The following FAT1 variants were observed in gnomAD, a reference collection of about 807,000 sequenced individuals.
FAT1 encodes the protein protocadherin Fat 1.
Under a neutral mutation model 329.8 loss-of-function variants are expected in FAT1, and 171 were observed. That is an observed-to-expected ratio of 0.52 (90% CI 0.46 to 0.59). FAT1 has a LOEUF of 0.59. Among genes scored for constraint, FAT1 ranks in the 20% least tolerant of loss-of-function variants. The pLI is 0.00. For synonymous variants in FAT1, 2,233 were observed against 2,228.6 expected, an observed-to-expected ratio of 1.00 and a Z score of -0.06; for missense variants, 5,672 against 5,774.4, an observed-to-expected ratio of 0.98 and a Z score of 0.57.
At chr4:186,662,920 T>A (rs910102738) in intron 3 of FAT1, among the ~76,000 whole-genome samples, 1 of 151,876 alleles carries the variant, frequency 6.6e-6, no homozygotes, top group African/African-American at 2.4e-5. Flanking sequence ...CACTGCAAGC[T>A]CCGCCCCCCG....
At position 186,708,798 on chromosome 4, in the gene FAT1, G is replaced by A. The variant is rs1744786329; in HGVS notation, c.1030C>T (p.Pro344Ser). 3 of 1,613,980 alleles carry A rather than the reference G, an allele frequency of 1.9e-6. No homozygotes were observed. Among genetic ancestry groups the A allele is most frequent in the African/African-American group, 1.3e-5 (1 of 75,040 alleles). ...ACTTTAACAGAAGAGAACTGGGGCG[G>A]AGTTCCTTTATCTTTAGCCTGTAGT... ...LTLQAKDKGT[P>S]PQFSSVKVIH... The change falls in exon 2 of 27, where the codon CCG becomes TCG. Residue 344 changes from proline (P) to serine (S), a missense_variant. This residue lies in a region of FAT1 where 3,966 missense variants were observed against 3,915.2 expected (regional missense o/e 1.01). Transcript: ENST00000441802.
intron 2 of FAT1, among the ~76,000 whole-genome samples, chr4:186,700,927 C>T (rs962992488): frequency 1.4e-4 from 21 of 152,276 alleles, no homozygotes; most frequent in African/African-American, 4.6e-4. Context: ...GCCTGTCTGA[C>T]GTAAGCTGTT....
At chr4:186,692,481 T>C (rs2126661991) in intron 2 of FAT1, among the ~76,000 whole-genome samples, 2 of 152,084 alleles carry the variant, frequency 1.3e-5, no homozygotes, top group African/African-American at 4.8e-5. Context: ...CCCGGCTAAT[T>C]TTTTGTATTT....
chr4:186,619,879 A>G lies in FAT1; in HGVS notation c.6707T>C (p.Ile2236Thr), dbSNP rs1219654574. ...AAAGTCCAGAGGAGCTATGACATTG[A>G]TAACTCCAGTATTGAAGTTAATAGT... ...QFTINFNTGV[I>T]NVIAPLDFEA... is the part of the protein sequence containing the mutation. Residue 2236 changes from isoleucine (I) to threonine (T), a missense_variant, in exon 10 of 27, where the codon ATC (isoleucine) becomes ACC (threonine). Ile to Thr is a moderately conservative substitution (Grantham distance 89, BLOSUM62 -1). Around this residue, in one of 2 missense-constraint regions of FAT1, gnomAD observed 3,966 missense variants for 3,915.2 expected, o/e 1.01. Coordinates refer to ENST00000441802, the MANE Select transcript of FAT1 (RefSeq NM_005245.4). 3 of 1,613,986 alleles carry G rather than the reference A, an allele frequency of 1.9e-6. No homozygotes were observed. Among genetic ancestry groups the G allele is most frequent in the Non-Finnish European group, 2.5e-6 (3 of 1,179,890 alleles).
rs2126345407 is a variant in FAT1, at chr4:186,588,527, C to T, written c.*65G>A. The T allele has an allele frequency of 6.5e-7, 1 of 1,528,494 alleles. No individual in the cohort carries two copies. Among genetic ancestry groups the T allele is most frequent in the Non-Finnish European group, 8.8e-7 (1 of 1,141,126 alleles). 94.7% of individuals were successfully genotyped at this position (1,528,494 alleles called of 1,614,324 possible). Reference sequence around the variant, plus strand: ...AGCTTGGAAGCACTGCTGCAAAGAACAGCGCGGATTACTCACATCACCTCT... The same window carrying T: ...AGCTTGGAAGCACTGCTGCAAAGAATAGCGCGGATTACTCACATCACCTCT... On this transcript the variant is annotated 3_prime_UTR_variant, in exon 27 of 27. Coordinates refer to ENST00000441802, the MANE Select transcript of FAT1 (RefSeq NM_005245.4).
intron 3 of FAT1, among the ~76,000 whole-genome samples, chr4:186,643,788 T>TACCCCCCCCCCCCCCCC (rs1741218233): frequency 1.5e-5 from 2 of 131,108 alleles, no homozygotes; most frequent in African/African-American, 2.9e-5. Flanking sequence ...CTGCTCCTCA[T>TACCCCCCCCCCCCCCCC]CCCCCCCCCA....
At position 186,646,004 on chromosome 4, in the gene FAT1, C is replaced by CACACACACACACAT. The variant is rs1491403367; in HGVS notation, c.3581-6222_3581-6221insATGTGTGTGTGTGT. Among the ~76,000 whole-genome samples, 238 of 135,006 alleles carry CACACACACACACAT rather than the reference C, an allele frequency of 1.8e-3. 3 individuals are homozygous for CACACACACACACAT. Among genetic ancestry groups the CACACACACACACAT allele is most frequent in the African/African-American group, 6.6e-3 (236 of 35,586 alleles). The allele number at this position is 135,006 out of a possible 152,430, so 88.6% of individuals were successfully genotyped here. A position where few individuals can be genotyped will look rare whatever the true frequency, so the allele number is the denominator to read the frequency against. On this transcript the variant is annotated intron_variant, in intron 3 of 26. Transcript: ENST00000441802. ...ACACACACACACACACACACACACA[C>CACACACACACACAT]ATGAAAGATGGCAGCTAGAAAAGGA...
chr4:186,677,848 G>T (rs908947334), intron 2 of FAT1, among the ~76,000 whole-genome samples: 1 of 152,064 alleles, frequency 6.6e-6, no homozygotes. Context: ...AATCTTGCTG[G>T]AGACATTAAA....
intron 2 of FAT1, among the ~76,000 whole-genome samples, chr4:186,671,607 G>A: frequency 6.6e-6 from 1 of 152,046 alleles, no homozygotes; most frequent in South Asian, 2.1e-4. Context: ...GCTGAGGTAG[G>A]AGAATCACTT....
rs1431864479 is a variant in FAT1, at chr4:186,618,601, A to G, written c.7985T>C (p.Ile2662Thr). ...AGTGAAGAATTCATTTTCCAAGCCA[A>G]TGAGGCTCTCCTTTGTAGTGATTAC... ...SGVITTKESL[I>T]GLENEFFTFF... Residue 2662 changes from isoleucine (I) to threonine (T), a missense_variant, in exon 10 of 27, where the codon ATT (isoleucine) becomes ACT (threonine). This residue lies in a region of FAT1 where 3,966 missense variants were observed against 3,915.2 expected (regional missense o/e 1.01). Coordinates refer to ENST00000441802, the MANE Select transcript of FAT1 (RefSeq NM_005245.4). 3.7e-6 allele frequency: 6 copies of G among 1,613,948 alleles called. No homozygotes were observed. Among genetic ancestry groups the G allele is most frequent in the South Asian group, 1.1e-5 (1 of 91,092 alleles).
chr4:186,611,337 G>C, intron 14 of FAT1, 49 bp downstream of exon 14: 1 of 1,530,534 alleles, frequency 6.5e-7, no homozygotes, highest in Non-Finnish European at 8.8e-7. Context: ...AGCAAATCTA[G>C]TTTTCTTGGT....
Position 186,628,592 on chromosome 4 carries a change from G to C in FAT1, c.4495C>G (p.Pro1499Ala). 1 of 1,613,944 alleles carries C rather than the reference G, an allele frequency of 6.2e-7. No homozygotes were observed. Among genetic ancestry groups the C allele is most frequent in the Non-Finnish European group, 8.5e-7 (1 of 1,179,884 alleles). ...LIYTLQSSRDPLSLKKFRLDP... is the reference protein window; with the variant it reads ...LIYTLQSSRDALSLKKFRLDP... ...AGACGAAATTTCTTGAGACTCAGTGGATCTCTACTGCTCTGCAGAGTGTAG... is the reference window on the plus strand; with the variant it reads ...AGACGAAATTTCTTGAGACTCAGTGCATCTCTACTGCTCTGCAGAGTGTAG... The change falls in exon 8 of 27, where the codon CCA becomes GCA. Residue 1499 changes from proline to alanine, a missense_variant. By Grantham distance (27) the Pro-to-Ala change is conservative (BLOSUM62 -1). Transcript: ENST00000441802.
chr4:186,615,831 C>T (rs1739684029), intron 11 of FAT1, among the ~76,000 whole-genome samples: 1 of 152,174 alleles, frequency 6.6e-6, no homozygotes, highest in African/African-American at 2.4e-5. Context: ...AGAGACAACG[C>T]CAAGTTTCCA....
chr4:186,594,685 T>C (rs965409785), intron 26 of FAT1, among the ~76,000 whole-genome samples: 1 of 143,648 alleles, frequency 7.0e-6, no homozygotes, highest in Non-Finnish European at 1.5e-5. Context: ...AGTATATATA[T>C]ATATATATAT....
At position 186,706,637 on chromosome 4, in the gene FAT1, CT is replaced by C; in HGVS notation, c.3190del (p.Arg1064GlufsTer21). ...GGAGTATCGGATCTCCCCATCTCTTCTGGCGTCCTCATCATGAGCCGACACC... is the reference window on the plus strand; with the variant it reads ...GGAGTATCGGATCTCCCCATCTCTTCGGCGTCCTCATCATGAGCCGACACC... Reference protein sequence around the residue: ...MTVSAHDEDARRDGEIRYSIR... With the variant: ...MTVSAHDEDAXRDGEIRYSIR... On this transcript the variant is annotated frameshift_variant, in exon 2 of 27. Transcript: ENST00000441802. LOFTEE classifies it high-confidence loss of function. The C allele has an allele frequency of 6.2e-7, 1 of 1,614,018 alleles. No homozygotes were observed. The highest frequency in any genetic ancestry group is 8.5e-7 in the Non-Finnish European group (1 of 1,179,886).
intron 2 of FAT1, among the ~76,000 whole-genome samples, chr4:186,682,048 G>A (rs775370350): frequency 5.3e-5 from 8 of 152,142 alleles, no homozygotes; most frequent in Non-Finnish European, 8.8e-5. Flanking sequence ...ATAATAGTTC[G>A]TGTTTAGTCA....
At chr4:186,662,333 G>C (rs1347335300) in intron 3 of FAT1, among the ~76,000 whole-genome samples, 1 of 152,144 alleles carries the variant, frequency 6.6e-6, no homozygotes, top group Non-Finnish European at 1.5e-5. Flanking sequence ...TTCACAAGGA[G>C]GGTGAACGCA....
chr4:186,627,839 G>T (rs972700239), intron 9 of FAT1, among the ~76,000 whole-genome samples: 4 of 152,162 alleles, frequency 2.6e-5, no homozygotes, highest in Non-Finnish European at 4.4e-5. Context: ...TGTTACAGAA[G>T]AAACTGTGGT....
chr4:186,591,886 G>A (rs1442837650), intron 26 of FAT1, among the ~76,000 whole-genome samples: 1 of 152,164 alleles, frequency 6.6e-6, no homozygotes, highest in African/African-American at 2.4e-5. Flanking sequence ...CTATGATGAC[G>A]TCTGTGTACT....
Sources: gnomAD v4.1 joint callset for allele counts (sites outside exome capture counted in the v4.1 genomes callset) on GRCh38, gnomAD v4.1.1 for gene constraint, gnomAD v4.1.1 regional missense constraint, MANE v1.5 for transcripts, NCBI Gene and HGNC (gene_info 2026-07-23, HGNC 2026-07-21) for gene names.